The following SSU72L3 variants were observed in gnomAD, a reference collection of about 807,000 sequenced individuals.
SSU72L3 encodes the protein SSU72 like 3.
chr11:4,329,854 T>G, the SSU72L3 span: 3 of 690,642 alleles, frequency 4.3e-6, no homozygotes, highest in African/African-American at 5.4e-5. Flanking sequence ...TGGTTCCCAG[T>G]GGCCACCATC....
the SSU72L3 span, chr11:4,329,965 G>A: frequency 9.1e-5 from 68 of 749,698 alleles, no homozygotes; most frequent in African/African-American, 1.4e-4. Flanking sequence ...CTAAGTGTCC[G>A]GTCTTTTGGA....
At chr11:4,330,751 A>G in the SSU72L3 span, among the ~76,000 whole-genome samples, 3 of 152,200 alleles carry the variant, frequency 2.0e-5, no homozygotes, top group Admixed American at 6.5e-5. Context: ...CATTTTCCAG[A>G]TAAGCAAACC....
At chr11:4,330,035 T>C in the SSU72L3 span, 1 of 776,302 alleles carries the variant, frequency 1.3e-6, no homozygotes, top group South Asian at 1.4e-5. Context: ...TTTATGATTT[T>C]GCAACAACAT....
the SSU72L3 span, chr11:4,330,260 G>C: frequency 1.3e-6 from 1 of 751,102 alleles, no homozygotes; most frequent in Non-Finnish European, 2.4e-6. Flanking sequence ...AGACCTTTCA[G>C]CCTGTGCACG....
chr11:4,329,921 C>T, the SSU72L3 span: 32 of 732,002 alleles, frequency 4.4e-5, no homozygotes, highest in Non-Finnish European at 7.0e-5. Flanking sequence ...TCAACAGGAG[C>T]ATGGAGGCCC....
chr11:4,330,562 G>A, the SSU72L3 span: 5 of 519,846 alleles, frequency 9.6e-6, no homozygotes, highest in African/African-American at 1.1e-4. Flanking sequence ...CTGTTTGTGT[G>A]ACTTTTGTAC....
chr11:4,330,373 A>G, the SSU72L3 span: 5 of 760,944 alleles, frequency 6.6e-6, no homozygotes, highest in South Asian at 4.1e-5. Flanking sequence ...GACATAGAAG[A>G]CAATCTGGAG....
At chr11:4,330,423 T>C in the SSU72L3 span, 2 of 703,248 alleles carry the variant, frequency 2.8e-6, no homozygotes, top group Middle Eastern at 3.9e-4. Flanking sequence ...AGGAAAAAGC[T>C]TTCTTCACAC....
the SSU72L3 span, among the ~76,000 whole-genome samples, chr11:4,330,605 A>T: frequency 6.0e-3 from 882 of 146,736 alleles, 1 homozygote; most frequent in African/African-American, 0.023. Context: ...TACCAAGAAA[A>T]TATTTTATGG....
the SSU72L3 span, chr11:4,329,959 G>A: frequency 7.8e-3 from 5,812 of 747,244 alleles, 65 homozygotes; most frequent in Non-Finnish European, 8.0e-3. Flanking sequence ...AAAGGGCTAA[G>A]TGTCCGGTCT....
chr11:4,330,862 C>T, the SSU72L3 span, among the ~76,000 whole-genome samples: 1 of 152,010 alleles, frequency 6.6e-6, no homozygotes, highest in African/African-American at 2.4e-5. Context: ...TTCCTTTTCT[C>T]AATTTGAGTG....
the SSU72L3 span, among the ~76,000 whole-genome samples, chr11:4,330,834 A>C: frequency 2.0e-5 from 3 of 152,132 alleles, no homozygotes; most frequent in Non-Finnish European, 4.4e-5. Flanking sequence ...TGTATAGATA[A>C]GCACCTTTTA....
the SSU72L3 span, chr11:4,330,296 C>T: frequency 2.5e-5 from 19 of 758,388 alleles, no homozygotes; most frequent in Admixed American, 3.2e-4. Context: ...TCCAAGATAC[C>T]CTGGAAGATG....
At chr11:4,330,627 G>A in the SSU72L3 span, among the ~76,000 whole-genome samples, 1 of 152,092 alleles carries the variant, frequency 6.6e-6, no homozygotes, top group Non-Finnish European at 1.5e-5. Context: ...AAATGAGAAG[G>A]ACTAACATTT....
chr11:4,329,856 G>A, the SSU72L3 span: 3 of 692,520 alleles, frequency 4.3e-6, no homozygotes, highest in African/African-American at 3.6e-5. Context: ...GTTCCCAGTG[G>A]CCACCATCAT....
chr11:4,330,292 A>G, the SSU72L3 span: 4 of 758,762 alleles, frequency 5.3e-6, no homozygotes, highest in African/African-American at 6.9e-5. Flanking sequence ...GACATCCAAG[A>G]TACCCTGGAA....
chr11:4,330,132 A>C, the SSU72L3 span: 1 of 751,498 alleles, frequency 1.3e-6, no homozygotes, highest in Non-Finnish European at 2.5e-6. Context: ...AAGAAATGAG[A>C]GAATCAAGCC....
At chr11:4,330,065 C>T in the SSU72L3 span, 1 of 775,556 alleles carries the variant, frequency 1.3e-6, no homozygotes, top group East Asian at 2.4e-5. Flanking sequence ...TGTACAATGA[C>T]CTCCTCAGGA....
chr11:4,329,860 C>A, the SSU72L3 span: 156 of 701,048 alleles, frequency 2.2e-4, 4 homozygotes, highest in South Asian at 1.9e-3. Flanking sequence ...CCAGTGGCCA[C>A]CATCATGCTC....
Sources: allele counts gnomAD v4.1 joint callset (sites outside exome capture counted in the v4.1 genomes callset), GRCh38; gene constraint gnomAD v4.1.1; transcripts MANE v1.5; gene names NCBI Gene and HGNC (gene_info 2026-07-23, HGNC 2026-07-21).